LHFPL3: variants seen among roughly 807,000 people sequenced by gnomAD.
LHFPL3 encodes the protein LHFPL tetraspan subfamily member 3 protein.
Under a neutral mutation model 19.3 loss-of-function variants are expected in LHFPL3, and 5 were observed. That is an observed-to-expected ratio of 0.26 (90% CI 0.14 to 0.54). The LOEUF (loss-of-function observed/expected upper bound fraction) is 0.54, where lower values mean the gene tolerates loss of function less well. LHFPL3 is among the 20% of genes least tolerant of loss of function. The pLI is 0.94. For synonymous variants in LHFPL3, 133 were observed against 126.2 expected (o/e 1.05, Z -0.36); for missense variants, 249 against 307.4 (o/e 0.81, Z 1.42).
At chr7:104,364,791 C>T (rs191804729) in intron 1 of LHFPL3, among the ~76,000 whole-genome samples, 3 of 152,242 alleles carry the variant, frequency 2.0e-5, no homozygotes, top group African/African-American at 4.8e-5. Flanking sequence ...TTTTCTTCAA[C>T]GGTAAGATGA....
At chr7:104,512,429 C>A (rs1793837236) in intron 1 of LHFPL3, among the ~76,000 whole-genome samples, 1 of 151,400 alleles carries the variant, frequency 6.6e-6, no homozygotes, top group South Asian at 2.1e-4. Context: ...CTAGCAGGCT[C>A]TATGTTGCTG....
At chr7:104,616,461 TCCTTACA>T in intron 1 of LHFPL3, among the ~76,000 whole-genome samples, 1 of 152,266 alleles carries the variant, frequency 6.6e-6, no homozygotes, top group African/African-American at 2.4e-5. Context: ...CTGGATCCCT[TCCTTACA>T]CCTTATACAA....
chr7:104,792,970 A>G (rs1461396086), intron 2 of LHFPL3, among the ~76,000 whole-genome samples: 1 of 152,124 alleles, frequency 6.6e-6, no homozygotes, highest in African/African-American at 2.4e-5. Flanking sequence ...ATCTTGGCTC[A>G]CTGCAACCTC....
chr7:104,332,172 A>G (rs1392336177), intron 1 of LHFPL3, among the ~76,000 whole-genome samples: 1 of 148,890 alleles, frequency 6.7e-6, no homozygotes, highest in Non-Finnish European at 1.5e-5. Flanking sequence ...CCTTTTTAAT[A>G]TACTAACATC....
At chr7:104,573,409 C>CAAA (rs11310724) in intron 1 of LHFPL3, among the ~76,000 whole-genome samples, 1 of 112,652 alleles carries the variant, frequency 8.9e-6, no homozygotes, top group East Asian at 2.7e-4. Context: ...AAGACCATCT[C>CAAA]AAAAAAAAAA....
At chr7:104,683,660 A>G (rs1462569155) in intron 1 of LHFPL3, among the ~76,000 whole-genome samples, 1 of 152,168 alleles carries the variant, frequency 6.6e-6, no homozygotes, top group Non-Finnish European at 1.5e-5. Context: ...CTAAGTTTCT[A>G]CTAACTGATA....
chr7:104,461,301 G>A (rs1212979703), intron 1 of LHFPL3, among the ~76,000 whole-genome samples: 2 of 152,132 alleles, frequency 1.3e-5, no homozygotes, highest in African/African-American at 4.8e-5. Flanking sequence ...CTTGAGACAT[G>A]GGGATTATTA....
intron 1 of LHFPL3, among the ~76,000 whole-genome samples, chr7:104,357,223 C>T (rs1171476032): frequency 2.6e-5 from 4 of 152,190 alleles, no homozygotes; most frequent in Non-Finnish European, 4.4e-5. Flanking sequence ...CATGTTCTTG[C>T]TCTCTGGGTC....
At chr7:104,753,180 C>T (rs1369977683) in intron 2 of LHFPL3, among the ~76,000 whole-genome samples, 1 of 152,148 alleles carries the variant, frequency 6.6e-6, no homozygotes, top group East Asian at 1.9e-4. Flanking sequence ...AATGGCCAGA[C>T]CACTATAATA....
chr7:104,829,552 T>C (rs915752173), intron 2 of LHFPL3, among the ~76,000 whole-genome samples: 3 of 151,600 alleles, frequency 2.0e-5, no homozygotes, highest in Admixed American at 1.3e-4. Flanking sequence ...CATTGTTCAG[T>C]TCCCACCTAT....
chr7:104,843,993 C>A (rs776256347), intron 2 of LHFPL3, among the ~76,000 whole-genome samples: 2 of 152,142 alleles, frequency 1.3e-5, no homozygotes, highest in Non-Finnish European at 2.9e-5. Context: ...TGGTGCTGAC[C>A]AACCAGGGAC....
intron 2 of LHFPL3, among the ~76,000 whole-genome samples, chr7:104,891,855 C>G (rs914892323): frequency 6.6e-6 from 1 of 152,184 alleles, no homozygotes; most frequent in Non-Finnish European, 1.5e-5. Flanking sequence ...GACAGGCTGA[C>G]AGAAATGTCT....
chr7:104,809,578 C>A (rs1462626595), intron 2 of LHFPL3, among the ~76,000 whole-genome samples: 3 of 152,208 alleles, frequency 2.0e-5, no homozygotes, highest in Non-Finnish European at 4.4e-5. Context: ...CTAGCACTCT[C>A]ACAATAACAG....
chr7:104,658,244 A>G (rs1289200390), intron 1 of LHFPL3, among the ~76,000 whole-genome samples: 2 of 152,232 alleles, frequency 1.3e-5, no homozygotes, highest in Admixed American at 6.5e-5. Flanking sequence ...TCTTTTAAAT[A>G]TCTAGGTGCA....
intron 1 of LHFPL3, among the ~76,000 whole-genome samples, chr7:104,578,670 A>C (rs184199417): frequency 5.3e-5 from 8 of 152,054 alleles, no homozygotes; most frequent in Admixed American, 5.2e-4. Flanking sequence ...CTGTGCACCC[A>C]CCCTACCGTG....
In LHFPL3 at chr7:104,448,994, C is replaced by T. The variant is rs553609079; in HGVS notation, c.445+119770C>T. On this transcript the variant is annotated intron_variant, in intron 1 of 2. Coordinates refer to ENST00000424859, the MANE Select transcript of LHFPL3 (RefSeq NM_199000.3). The stretch of plus-strand genomic sequence containing the variant: ...AGAGTTACTTTCACAAACGAAGTGC[C>T]TTTCAGATTAAAATTAAGATGATGC... 2.6e-5 allele frequency among the ~76,000 whole-genome samples: 4 copies of T among 152,306 alleles called. No individual in the cohort carries two copies. In the South Asian group the frequency reaches 8.3e-4, roughly 32 times the overall value.
chr7:104,663,215 G>C (rs1169378658), intron 1 of LHFPL3, among the ~76,000 whole-genome samples: 1 of 152,112 alleles, frequency 6.6e-6, no homozygotes, highest in Non-Finnish European at 1.5e-5. Flanking sequence ...ATGCTTTATG[G>C]GTTTTTAAAG....
At chr7:104,673,604 C>A (rs1021860103) in intron 1 of LHFPL3, among the ~76,000 whole-genome samples, 2 of 152,148 alleles carry the variant, frequency 1.3e-5, no homozygotes, top group African/African-American at 4.8e-5. Context: ...GATGGGGAAG[C>A]TTTGTTTCTC....
chr7:104,586,967 G>A (rs1014957017), intron 1 of LHFPL3, among the ~76,000 whole-genome samples: 16 of 152,032 alleles, frequency 1.1e-4, no homozygotes, highest in African/African-American at 3.9e-4. Flanking sequence ...CATTTCAGAG[G>A]CATAAGACAG....
Sources: gnomAD v4.1 joint callset for allele counts (sites outside exome capture counted in the v4.1 genomes callset) on GRCh38, gnomAD v4.1.1 for gene constraint, MANE v1.5 for transcripts, NCBI Gene and HGNC (gene_info 2026-07-23, HGNC 2026-07-21) for gene names.